The following WNT4 variants were observed in gnomAD, a reference collection of about 807,000 sequenced individuals.
The protein encoded by WNT4 is Wnt family member 4.
Under a neutral mutation model 34.5 loss-of-function variants are expected in WNT4, and 16 were observed. The ratio of observed to expected loss-of-function variants is 0.46; its 90% confidence interval spans 0.31 to 0.70. WNT4 has a LOEUF of 0.70. WNT4 is among the 30% of genes least tolerant of loss of function. WNT4 has a pLI of 0.04. For synonymous variants in WNT4, 200 were observed against 211.9 expected (o/e 0.94, Z 0.49); for missense variants, 379 against 495.9 (o/e 0.76, Z 2.24).
intron 2 of WNT4, among the ~76,000 whole-genome samples, chr1:22,129,157 G>A (rs1198741396): frequency 3.9e-5 from 6 of 152,212 alleles, no homozygotes; most frequent in Admixed American, 3.3e-4. Flanking sequence ...CAAGGAATGG[G>A]ATGGGCCCAG....
chr1:22,123,428 C>G lies in WNT4; in HGVS notation c.314-1852G>C, dbSNP rs527868221. Among the ~76,000 whole-genome samples, 4 of 152,198 alleles carry G rather than the reference C, an allele frequency of 2.6e-5. No individual in the cohort carries two copies. In the South Asian group the frequency reaches 8.3e-4, roughly 32 times the overall value. ...GTTCATTTTGCCCTGGCTTTGGGAA[C>G]AAGAACACTGGAGTTTTCTCAGCTC... On this transcript the variant is annotated intron_variant, in intron 2 of 4. Coordinates refer to ENST00000290167, the MANE Select transcript of WNT4 (RefSeq NM_030761.5).
intron 1 of WNT4, among the ~76,000 whole-genome samples, chr1:22,136,614 G>A (rs2124130980): frequency 6.6e-6 from 1 of 152,302 alleles, no homozygotes; most frequent in Non-Finnish European, 1.5e-5. Flanking sequence ...AACTGGCTGG[G>A]GGTACAGGGC....
At position 22,139,315 on chromosome 1, in the gene WNT4, A is replaced by G. The variant is rs1646047234; in HGVS notation, c.77+3531T>C. Reference sequence around the variant, plus strand: ...GGCCCAGTGCCAGCTTGCCACACGCATGGGCTCGCTCTTTCTTCCCAACCA... The same window carrying G: ...GGCCCAGTGCCAGCTTGCCACACGCGTGGGCTCGCTCTTTCTTCCCAACCA... On this transcript the variant is annotated intron_variant, in intron 1 of 4. Transcript: ENST00000290167. This position sits in a 1 kb window ranked among gnomAD's most constrained non-coding sequence, Gnocchi z 4.6. 6.6e-6 allele frequency among the ~76,000 whole-genome samples: 1 copy of G among 152,200 alleles called. No homozygotes were observed. Among genetic ancestry groups the G allele is most frequent in the Non-Finnish European group, 1.5e-5 (1 of 68,022 alleles).
intron 4 of WNT4, 51 bp from the exon 5 acceptor site, chr1:22,120,568 CA>C (rs1221637878): frequency 6.4e-7 from 1 of 1,551,370 alleles, no homozygotes; most frequent in African/African-American, 1.4e-5. Flanking sequence ...CAAGGGAAGG[CA>C]GGGGAGGGCC....
intron 1 of WNT4, among the ~76,000 whole-genome samples, chr1:22,133,460 C>T (rs1003661454): frequency 1.3e-5 from 2 of 152,190 alleles, no homozygotes; most frequent in African/African-American, 2.4e-5. Context: ...GTGTGCCATC[C>T]GCTGACCCTG....
At chr1:22,121,688 A>T in intron 2 of WNT4, 112 bp from the exon 3 acceptor site, 1 of 1,505,456 alleles carries the variant, frequency 6.6e-7, no homozygotes, top group Non-Finnish European at 8.9e-7. Context: ...GCCAGGAGGG[A>T]GCAAGACAGG....
At position 22,120,175 on chromosome 1, in the gene WNT4, A is replaced by G. The variant is rs778822173; in HGVS notation, c.931T>C (p.Cys311Arg). The G allele has an allele frequency of 6.2e-7, 1 of 1,613,758 alleles. No homozygotes were observed. The highest frequency in any genetic ancestry group is 8.5e-7 in the Non-Finnish European group (1 of 1,179,952). Residue 311 changes from cysteine to arginine, a missense_variant, in exon 5 of 5, where the codon TGT becomes CGT. By Grantham distance (180) the Cys-to-Arg change is radical (BLOSUM62 -3). Coordinates refer to ENST00000290167, the MANE Select transcript of WNT4 (RefSeq NM_030761.5). The stretch of plus-strand genomic sequence containing the variant: ...TGCGCCGTGTGGAAGCCGCGGCCAC[A>G]GCACAGCAGCTCACAGCCGTCGATG... ...KAIDGCELLC[C>R]GRGFHTAQVE... is the part of the protein sequence containing the mutation.
intron 2 of WNT4, among the ~76,000 whole-genome samples, chr1:22,123,069 T>G (rs1645914825): frequency 6.6e-6 from 1 of 152,244 alleles, no homozygotes; most frequent in Non-Finnish European, 1.5e-5. Context: ...TTTTATGCTG[T>G]GGCCGCCCAA....
chr1:22,121,106 A>C, intron 4 of WNT4, 105 bp downstream of exon 4: 1 of 1,553,068 alleles, frequency 6.4e-7, no homozygotes, highest in Non-Finnish European at 8.7e-7. Context: ...GGTGCTGGTG[A>C]GAGCCTGCAC....
intron 2 of WNT4, among the ~76,000 whole-genome samples, chr1:22,128,971 G>C (rs1053118898): frequency 6.6e-6 from 1 of 152,066 alleles, no homozygotes; most frequent in African/African-American, 2.4e-5. Context: ...CCGCCCGCCT[G>C]GGCCTCCGAA....
chr1:22,141,711 G>C (rs530178090), intron 1 of WNT4, among the ~76,000 whole-genome samples: 1 of 152,334 alleles, frequency 6.6e-6, no homozygotes, highest in African/African-American at 2.4e-5. Context: ...AGCCTGGAGG[G>C]CTCTGGCTGG....
At position 22,139,304 on chromosome 1, in the gene WNT4, T is replaced by C. The variant is rs1465301126; in HGVS notation, c.77+3542A>G. 6.6e-6 allele frequency among the ~76,000 whole-genome samples: 1 copy of C among 152,224 alleles called. No individual in the cohort carries two copies. Among genetic ancestry groups the C allele is most frequent in the Non-Finnish European group, 1.5e-5 (1 of 68,032 alleles). On this transcript the variant is annotated intron_variant, in intron 1 of 4. Coordinates refer to ENST00000290167, the MANE Select transcript of WNT4 (RefSeq NM_030761.5). This position sits in a 1 kb window ranked among gnomAD's most constrained non-coding sequence, Gnocchi z 4.6. ...TCAGCGTGCCTGGCCCAGTGCCAGC[T>C]TGCCACACGCATGGGCTCGCTCTTT...
At chr1:22,130,618 T>G (rs1407670610) in intron 1 of WNT4, among the ~76,000 whole-genome samples, 1 of 152,226 alleles carries the variant, frequency 6.6e-6, no homozygotes, top group African/African-American at 2.4e-5. Flanking sequence ...ACAAATTTCT[T>G]GTTGAAGAAG....
At chr1:22,141,240 C>T (rs896695441) in intron 1 of WNT4, among the ~76,000 whole-genome samples, 7 of 152,234 alleles carry the variant, frequency 4.6e-5, no homozygotes, top group African/African-American at 9.6e-5. Flanking sequence ...CTGGGCCAGA[C>T]GCTTGGACTG....
intron 2 of WNT4, chr1:22,127,133 T>C (rs6676241): frequency 0.15 from 57,184 of 375,522 alleles, 4,775 homozygotes; most frequent in African/African-American, 0.2. Flanking sequence ...TCTCCAGGTG[T>C]GACTGGCACC....
At chr1:22,132,352 C>A (rs1645990780) in intron 1 of WNT4, among the ~76,000 whole-genome samples, 1 of 152,192 alleles carries the variant, frequency 6.6e-6, no homozygotes, top group African/African-American at 2.4e-5. Flanking sequence ...AAGGGAGGCA[C>A]CCAAGGGCAG....
rs1645868371 is a variant in WNT4 at position 22,118,820 on chromosome 1, G to A, written c.*1230C>T. ...AACCAAGGAGGAGGCTTGGCTGGAG[G>A]ACTCTTCTGGCCCTGCCTGTCCATC... On this transcript the variant is annotated 3_prime_UTR_variant, in exon 5 of 5. Transcript: ENST00000290167. 1 of 152,226 alleles carries A rather than the reference G, an allele frequency of 6.6e-6. No homozygotes were observed. Among genetic ancestry groups the A allele is most frequent in the South Asian group, 2.1e-4 (1 of 4,830 alleles). The allele number at this position is 152,226 out of a possible 1,614,324, so 9.4% of individuals were successfully genotyped here.
Position 22,129,749 on chromosome 1 carries a change from G to A in WNT4, c.180C>T (p.Asn60=), listed in dbSNP as rs973456725. The A allele has an allele frequency of 1.9e-6, 3 of 1,614,014 alleles. No homozygotes were observed. Among genetic ancestry groups the A allele is most frequent in the African/African-American group, 1.3e-5 (1 of 75,048 alleles). The change falls in exon 2 of 5, where the codon AAC becomes AAT. Residue 60 remains asparagine (N), a synonymous_variant. Coordinates refer to ENST00000290167, the MANE Select transcript of WNT4 (RefSeq NM_030761.5). ...GGCGCACCGAGTCCATGACTTCCAG[G>A]TTCCGCTTGCACATCTGCACCTGCC... ...IQRQVQMCKR[N]LEVMDSVRRG...
rs903387738 is a variant in WNT4, at chr1:22,119,374, A to C, written c.*676T>G. On this transcript the variant is annotated 3_prime_UTR_variant, in exon 5 of 5. Transcript: ENST00000290167. Reference sequence around the variant, plus strand: ...GGTTAAGTTTCCTCTTCCCAGGGGCAGGCTGGGGCAGGCTGGGTTCTAGGG... The same window carrying C: ...GGTTAAGTTTCCTCTTCCCAGGGGCCGGCTGGGGCAGGCTGGGTTCTAGGG... 6.5e-6 allele frequency: 1 copy of C among 154,060 alleles called. No homozygotes were observed. Among genetic ancestry groups the C allele is most frequent in the Admixed American group, 6.4e-5 (1 of 15,642 alleles). 9.5% of individuals were successfully genotyped at this position (154,060 alleles called of 1,614,324 possible).
Sources: allele counts gnomAD v4.1 joint callset (sites outside exome capture counted in the v4.1 genomes callset), GRCh38; gene constraint gnomAD v4.1.1; non-coding constraint Gnocchi (gnomAD v3.1); transcripts MANE v1.5; gene names NCBI Gene and HGNC (gene_info 2026-07-23, HGNC 2026-07-21).